Variants in PPM1E observed in about 807,000 individuals in gnomAD.
The protein encoded by PPM1E is protein phosphatase 1E.
Under a neutral mutation model 65.9 loss-of-function variants are expected in PPM1E, and 20 were observed. The ratio of observed to expected loss-of-function variants is 0.30; its 90% CI spans 0.21 to 0.44. The LOEUF is 0.44. Ranked by LOEUF, PPM1E falls within the 20% of genes least tolerant of loss-of-function variation. The probability of loss-of-function intolerance (pLI) is 1.00; values close to 1 mark genes in which losing one functional copy is unlikely to be tolerated. For synonymous variants in PPM1E, 352 were observed against 374.9 expected, an observed-to-expected ratio of 0.94 and a Z score of 0.70; for missense variants, 713 against 953.1, an observed-to-expected ratio of 0.75 and a Z score of 3.32.
chr17:58,797,596 G>GT (rs577966341), intron 1 of PPM1E, among the ~76,000 whole-genome samples: 2 of 152,120 alleles, frequency 1.3e-5, no homozygotes, highest in African/African-American at 4.8e-5. Context: ...ATGTACCACA[G>GT]TTTTTTCATT....
chr17:58,789,409 C>T (rs1236829271), intron 1 of PPM1E, among the ~76,000 whole-genome samples: 11 of 152,200 alleles, frequency 7.2e-5, no homozygotes, highest in Non-Finnish European at 1.5e-4. Flanking sequence ...ATTCTTGCTG[C>T]GGCCACCCCA....
chr17:58,850,252 A>C (rs1030532217), intron 1 of PPM1E, among the ~76,000 whole-genome samples: 1 of 152,164 alleles, frequency 6.6e-6, no homozygotes, highest in African/African-American at 2.4e-5. Context: ...TGTGTCTTTT[A>C]ATTGGAGCAT....
intron 5 of PPM1E, among the ~76,000 whole-genome samples, chr17:58,972,602 C>T (rs2030711800): frequency 6.6e-6 from 1 of 152,156 alleles, no homozygotes; most frequent in South Asian, 2.1e-4. Context: ...CTGCCTGCTT[C>T]GGCCTCCCAA....
At chr17:58,882,951 C>CTTTTTTTT (rs549698099) in intron 1 of PPM1E, among the ~76,000 whole-genome samples, 6 of 98,830 alleles carry the variant, frequency 6.1e-5, no homozygotes, top group Non-Finnish European at 6.0e-5. Flanking sequence ...TTATTACTTT[C>CTTTTTTTT]TTTTTTTTTT....
intron 4 of PPM1E, 135 bp downstream of exon 4, chr17:58,969,862 T>C (rs1177830893): frequency 1.2e-6 from 1 of 819,980 alleles, no homozygotes; most frequent in Non-Finnish European, 1.9e-6. Context: ...CTCACAGTAT[T>C]GGATTCTGTT....
At chr17:58,970,057 A>G (rs1488136558) in intron 4 of PPM1E, among the ~76,000 whole-genome samples, 1 of 152,154 alleles carries the variant, frequency 6.6e-6, no homozygotes, top group Non-Finnish European at 1.5e-5. Context: ...CTCTAAGCAG[A>G]CTCTTGCTGA....
intron 1 of PPM1E, among the ~76,000 whole-genome samples, chr17:58,931,087 G>GAA (rs2051890857): frequency 1.4e-5 from 1 of 74,070 alleles, no homozygotes; most frequent in African/African-American, 4.5e-5. Context: ...AAAAAAAAAA[G>GAA]AAAGAAAGAA....
chr17:58,915,959 T>C (rs6503887), intron 1 of PPM1E, among the ~76,000 whole-genome samples: 96,771 of 151,950 alleles, frequency 0.64, 31,199 homozygotes, highest in African/African-American at 0.71. Context: ...TTTACCTATG[T>C]CTACTATTCA....
chr17:58,762,702 C>T (rs2049833560), intron 1 of PPM1E, among the ~76,000 whole-genome samples: 1 of 151,990 alleles, frequency 6.6e-6, no homozygotes, highest in South Asian at 2.1e-4. Flanking sequence ...TCGAGACCAT[C>T]CCGGCTAAAA....
chr17:58,800,212 A>G (rs1004188885), intron 1 of PPM1E, among the ~76,000 whole-genome samples: 1 of 151,946 alleles, frequency 6.6e-6, no homozygotes, highest in African/African-American at 2.4e-5. Flanking sequence ...TAATGTGGTC[A>G]TTACATTAAT....
At chr17:58,911,405 C>G (rs1053585662) in intron 1 of PPM1E, among the ~76,000 whole-genome samples, 3 of 151,964 alleles carry the variant, frequency 2.0e-5, no homozygotes, top group African/African-American at 4.8e-5. Flanking sequence ...ATTTAACCAC[C>G]ATTTGTGTAC....
chr17:58,972,924 T>G lies in PPM1E; in HGVS notation c.1209T>G (p.Ile403Met). ...VNGSLSVSRAIGDAEHKPYIC... is the reference protein window; with the variant it reads ...VNGSLSVSRAMGDAEHKPYIC... ...GAAGTCTGTCGGTTTCCAGAGCTAT[T>G]GGTAGGAAAAACAAATTTTTGTTTC... Residue 403 changes from isoleucine (I) to methionine (M), a missense_variant and splice_region_variant, in exon 6 of 7, where the codon ATT (isoleucine) becomes ATG (methionine). This residue lies in a region of PPM1E where 88 missense variants were observed against 231.1 expected (regional missense o/e 0.38). Coordinates refer to ENST00000308249, the MANE Select transcript of PPM1E (RefSeq NM_014906.5). The G allele has an allele frequency of 6.2e-7, 1 of 1,611,726 alleles. No homozygotes were observed. The highest frequency in any genetic ancestry group is 2.2e-5 in the East Asian group (1 of 44,848).
chr17:58,757,060 G>A (rs1012633442), intron 1 of PPM1E, among the ~76,000 whole-genome samples: 5 of 152,210 alleles, frequency 3.3e-5, no homozygotes, highest in African/African-American at 9.6e-5. Context: ...AGTGTTGAAA[G>A]TGAAGGGCTT....
At chr17:58,914,029 T>G (rs901702835) in intron 1 of PPM1E, among the ~76,000 whole-genome samples, 2 of 152,190 alleles carry the variant, frequency 1.3e-5, no homozygotes, top group Non-Finnish European at 2.9e-5. Flanking sequence ...CTCCTATAGT[T>G]CATTCCGCCC....
chr17:58,868,889 A>C (rs1171223816), intron 1 of PPM1E, among the ~76,000 whole-genome samples: 1 of 152,208 alleles, frequency 6.6e-6, no homozygotes, highest in Admixed American at 6.5e-5. Context: ...TTACAAGGCC[A>C]GGCACTATGG....
chr17:58,819,548 T>C (rs992921046), intron 1 of PPM1E, among the ~76,000 whole-genome samples: 3 of 152,188 alleles, frequency 2.0e-5, no homozygotes, highest in Non-Finnish European at 4.4e-5. Flanking sequence ...AAGAAATACC[T>C]GAGACTGGGT....
chr17:58,896,631 C>T (rs1156944467), intron 1 of PPM1E, among the ~76,000 whole-genome samples: 1 of 152,048 alleles, frequency 6.6e-6, no homozygotes, highest in Non-Finnish European at 1.5e-5. Flanking sequence ...CTGAAGCTAG[C>T]AGAGGTTGGT....
At position 58,982,125 on chromosome 17, in the gene PPM1E, G is replaced by T. The variant is rs996066834; in HGVS notation, c.*1094G>T. ...GAGCCCAGAGGCCACTGAGAATGCA[G>T]ATTACTGACAGCCAGGTCTGTTTAG... On this transcript the variant is annotated 3_prime_UTR_variant, in exon 7 of 7. Coordinates refer to ENST00000308249, the MANE Select transcript of PPM1E (RefSeq NM_014906.5). The T allele has an allele frequency of 6.6e-5, 10 of 152,654 alleles. No homozygotes were observed. The highest frequency in any genetic ancestry group is 2.9e-5 in the Non-Finnish European group (2 of 68,046). 9.5% of individuals were successfully genotyped at this position (152,654 alleles called of 1,614,324 possible).
chr17:58,822,631 A>T (rs2050492779), intron 1 of PPM1E, among the ~76,000 whole-genome samples: 2 of 152,174 alleles, frequency 1.3e-5, no homozygotes, highest in African/African-American at 4.8e-5. Context: ...GGCATTTGTA[A>T]ACTTGCTCTC....
Sources: gnomAD v4.1 joint callset for allele counts (sites outside exome capture counted in the v4.1 genomes callset) on GRCh38, gnomAD v4.1.1 for gene constraint, gnomAD v4.1.1 regional missense constraint, MANE v1.5 for transcripts, NCBI Gene and HGNC (gene_info 2026-07-23, HGNC 2026-07-21) for gene names.